NWD2: variants seen among roughly 807,000 people sequenced by gnomAD.
The protein encoded by NWD2 is NACHT and WD repeat domain containing 2.
A neutral mutation model predicts 132.7 loss-of-function variants in NWD2; 37 were observed. The ratio of observed to expected loss-of-function variants is 0.28; its 90% CI spans 0.21 to 0.37. The LOEUF is 0.37. Ranked by LOEUF, NWD2 falls within the 10% of genes least tolerant of loss-of-function variation. The pLI is 1.00. For synonymous variants in NWD2, 705 were observed against 803.0 expected (o/e 0.88, Z 2.06); for missense variants, 1,592 against 2,122.4 (o/e 0.75, Z 4.91).
rs76171365 is a variant in NWD2, at chr4:37,271,917, G to C, written c.151+26699G>C. On this transcript the variant is annotated intron_variant, in intron 1 of 6. Transcript: ENST00000309447. ...TACCCAGTTCAGTATTTTACTCTAA[G>C]AAATCATGTTAACTGTAGGTTTTTT... 9.1e-4 allele frequency among the ~76,000 whole-genome samples: 138 copies of C among 151,828 alleles called. 2 individuals are homozygous for C. The East Asian group carries it at 0.021, about 23-fold the overall frequency.
chr4:37,444,181 C>A lies in NWD2; in HGVS notation c.2193C>A (p.Val731=). The change falls in exon 7 of 7, where the codon GTC becomes GTA. Residue 731 remains valine (V), a synonymous_variant. Coordinates refer to ENST00000309447, the MANE Select transcript of NWD2 (RefSeq NM_001144990.2). The surrounding 1 kb of genome is among the most constrained non-coding windows in gnomAD (Gnocchi z 4.8). The part of the protein sequence containing the change: ...ERHVKNVTLL[V]WANRHLQLIA... ...ATGTGAAAAATGTCACACTCCTAGT[C>A]TGGGCCAACAGACACCTGCAGCTCA... 6.4e-7 allele frequency: 1 copy of A among 1,551,662 alleles called. No individual in the cohort carries two copies.
intron 3 of NWD2, among the ~76,000 whole-genome samples, chr4:37,381,900 G>A (rs145602678): frequency 0.014 from 2,136 of 152,298 alleles, 27 homozygotes; most frequent in African/African-American, 0.033. Flanking sequence ...TGATGTTGAA[G>A]AGAAAATTCT....
In NWD2 at chr4:37,446,951, A is replaced by G. The variant is rs1474779573; in HGVS notation, c.4963A>G (p.Ile1655Val). The G allele has an allele frequency of 3.2e-6, 5 of 1,551,590 alleles. No homozygotes were observed. The Admixed American group carries it at 7.8e-5, about 24-fold the overall frequency. ...AGACCGTGTAGATGCTGCACTGAAA[A>G]TCAAAATTGCCACTTCAAATAGCAG... ...VVDRVDAALK[I>V]KIATSNSRQI... The change falls in exon 7 of 7, where the codon ATC becomes GTC. Residue 1655 changes from isoleucine to valine, a missense_variant. Coordinates refer to ENST00000309447, the MANE Select transcript of NWD2 (RefSeq NM_001144990.2). This position sits in a 1 kb window ranked among gnomAD's most constrained non-coding sequence, Gnocchi z 6.7.
chr4:37,442,967 AT>A (rs1293279052), intron 6 of NWD2, among the ~76,000 whole-genome samples: 2 of 151,910 alleles, frequency 1.3e-5, no homozygotes, highest in African/African-American at 4.8e-5. Flanking sequence ...CATACTAGAT[AT>A]TTGTATTTAT....
chr4:37,337,340 C>T (rs954636060), intron 2 of NWD2, among the ~76,000 whole-genome samples: 2 of 152,192 alleles, frequency 1.3e-5, no homozygotes, highest in African/African-American at 2.4e-5. Flanking sequence ...TGCAACTAAG[C>T]GTGACAACAT....
intron 1 of NWD2, among the ~76,000 whole-genome samples, chr4:37,267,443 G>C (rs1351251139): frequency 6.6e-6 from 1 of 151,928 alleles, no homozygotes; most frequent in South Asian, 2.1e-4. Context: ...CCCCATCAGA[G>C]CCCACGGTTT....
intron 1 of NWD2, among the ~76,000 whole-genome samples, chr4:37,247,268 C>T (rs918346271): frequency 1.3e-5 from 2 of 152,194 alleles, no homozygotes; most frequent in African/African-American, 4.8e-5. Context: ...GGTAAATGCT[C>T]TGTCAGAGGC....
chr4:37,371,488 C>A lies in NWD2; in HGVS notation c.357+15006C>A, dbSNP rs114916851. ...ATTAAACAGTTTCTTCAGTAAAGTT[C>A]AGAAAACAAAGCTGTGCCTGCTAAT... On this transcript the variant is annotated intron_variant, in intron 3 of 6. Coordinates refer to ENST00000309447, the MANE Select transcript of NWD2 (RefSeq NM_001144990.2). Among the ~76,000 whole-genome samples, 129 of 152,252 alleles carry A rather than the reference C, an allele frequency of 8.5e-4. 1 individual carries two copies. The highest frequency in any genetic ancestry group is 3.1e-3 in the African/African-American group (127 of 41,550).
rs186122555 is a variant in NWD2 at position 37,252,013 on chromosome 4, A to G, written c.151+6795A>G. Among the ~76,000 whole-genome samples the G allele has an allele frequency of 2.0e-5, 3 of 152,328 alleles. No individual in the cohort carries two copies. The East Asian group carries it at 5.8e-4, about 29-fold the overall frequency. On this transcript the variant is annotated intron_variant, in intron 1 of 6. Transcript: ENST00000309447. ...GCTAATGATATGAACGGAGCATTAAAGGAGCACCAAGGAGGGTTATGTAAA... is the reference window on the plus strand; with the variant it reads ...GCTAATGATATGAACGGAGCATTAAGGGAGCACCAAGGAGGGTTATGTAAA...
At chr4:37,266,054 C>T (rs957457795) in intron 1 of NWD2, among the ~76,000 whole-genome samples, 3 of 152,082 alleles carry the variant, frequency 2.0e-5, no homozygotes, top group Non-Finnish European at 2.9e-5. Flanking sequence ...TTCTGGCTAC[C>T]GTCCTGCCCT....
intron 3 of NWD2, among the ~76,000 whole-genome samples, chr4:37,422,866 G>A (rs1228690100): frequency 6.6e-6 from 1 of 152,106 alleles, no homozygotes; most frequent in Non-Finnish European, 1.5e-5. Flanking sequence ...TTTATCTGCA[G>A]ATTAGATTAA....
chr4:37,353,672 A>C (rs1719815589), intron 2 of NWD2, among the ~76,000 whole-genome samples: 1 of 151,774 alleles, frequency 6.6e-6, no homozygotes, highest in Admixed American at 6.6e-5. Context: ...CGAAGTTCTC[A>C]TGCTGTGTTT....
chr4:37,281,647 A>G (rs1718132655), intron 1 of NWD2, among the ~76,000 whole-genome samples: 1 of 152,160 alleles, frequency 6.6e-6, no homozygotes, highest in African/African-American at 2.4e-5. Flanking sequence ...GAGAAAACCA[A>G]GTCCAGTAAA....
intron 1 of NWD2, among the ~76,000 whole-genome samples, chr4:37,263,958 A>C (rs1014182557): frequency 6.6e-6 from 1 of 152,138 alleles, no homozygotes. Flanking sequence ...GCATCTCTTA[A>C]ATAAGATGGT....
In NWD2 at chr4:37,444,743, C is replaced by T; in HGVS notation, c.2755C>T (p.Leu919=). 5.8e-6 allele frequency: 9 copies of T among 1,552,000 alleles called. No individual in the cohort carries two copies. The highest frequency in any genetic ancestry group is 7.0e-6 in the Non-Finnish European group (8 of 1,147,082). The change falls in exon 7 of 7, where the codon CTG becomes TTG. Residue 919 remains leucine (L), a synonymous_variant. Transcript: ENST00000309447. This position sits in a 1 kb window ranked among gnomAD's most constrained non-coding sequence, Gnocchi z 4.8. ...TTCAGCAGAGCTTCAGCAAAGACTG[C>T]TGCCTGTTGTAAGCTCCCTGCCCAA... ...SLSAELQQRL[L]PVVSSLPKLR... is the part of the protein sequence containing the mutation.
At chr4:37,371,355 C>G (rs1720227301) in intron 3 of NWD2, among the ~76,000 whole-genome samples, 1 of 152,070 alleles carries the variant, frequency 6.6e-6, no homozygotes, top group Non-Finnish European at 1.5e-5. Context: ...GGATTACAGG[C>G]ATGAGCCACC....
At chr4:37,272,233 T>C (rs556893905) in intron 1 of NWD2, among the ~76,000 whole-genome samples, 1 of 151,858 alleles carries the variant, frequency 6.6e-6, no homozygotes, top group South Asian at 2.1e-4. Flanking sequence ...TTTTTGTTTG[T>C]TTTCTCAGGA....
At chr4:37,277,560 A>G (rs1718046384) in intron 1 of NWD2, among the ~76,000 whole-genome samples, 1 of 151,988 alleles carries the variant, frequency 6.6e-6, no homozygotes, top group Non-Finnish European at 1.5e-5. Flanking sequence ...TATTTCAGTT[A>G]TTGTAATTTT....
intron 2 of NWD2, among the ~76,000 whole-genome samples, chr4:37,345,695 A>C (rs1719619709): frequency 6.6e-6 from 1 of 152,176 alleles, no homozygotes; most frequent in South Asian, 2.1e-4. Context: ...ATAATTTTAA[A>C]AAAATTTTAA....
Sources: gnomAD v4.1 joint callset for allele counts (sites outside exome capture counted in the v4.1 genomes callset) on GRCh38, gnomAD v4.1.1 for gene constraint, Gnocchi (gnomAD v3.1) non-coding constraint, MANE v1.5 for transcripts, NCBI Gene and HGNC (gene_info 2026-07-23, HGNC 2026-07-21) for gene names.